The following SLC22A15 variants were observed in gnomAD, a reference collection of about 807,000 sequenced individuals.
The protein encoded by SLC22A15 is solute carrier family 22 member 15.
A neutral mutation model predicts 62.7 loss-of-function variants in SLC22A15; 45 were observed. That is an observed-to-expected ratio of 0.72 (90% CI 0.56 to 0.92). The LOEUF is 0.92. Among genes scored for constraint, SLC22A15 ranks in the 40% least tolerant of loss-of-function variants. The probability of loss-of-function intolerance (pLI) is 0.00; values close to 1 mark genes in which losing one functional copy is unlikely to be tolerated. For synonymous variants in SLC22A15, 264 were observed against 267.0 expected, an observed-to-expected ratio of 0.99 and a Z score of 0.11; for missense variants, 622 against 665.6, an observed-to-expected ratio of 0.93 and a Z score of 0.72.
intron 1 of SLC22A15, among the ~76,000 whole-genome samples, chr1:115,988,295 A>C (rs1775702): frequency 0.12 from 18,687 of 152,162 alleles, 1,900 homozygotes; most frequent in African/African-American, 0.27. Flanking sequence ...GAATGTGTGC[A>C]TGGTAGTTGT....
At chr1:116,054,793 C>T (rs1161135812) in intron 8 of SLC22A15, among the ~76,000 whole-genome samples, 1 of 152,136 alleles carries the variant, frequency 6.6e-6, no homozygotes, top group Non-Finnish European at 1.5e-5. Context: ...GCAACCTGCT[C>T]CCGAATGACT....
chr1:116,035,475 T>C, intron 7 of SLC22A15, 148 bp downstream of exon 7: 1 of 617,794 alleles, frequency 1.6e-6, no homozygotes, highest in Admixed American at 4.2e-5. Flanking sequence ...TCTTTCCATC[T>C]AAAAACAGTT....
intron 2 of SLC22A15, among the ~76,000 whole-genome samples, chr1:116,016,620 C>T (rs1040310161): frequency 6.6e-6 from 1 of 152,164 alleles, no homozygotes; most frequent in Non-Finnish European, 1.5e-5. Flanking sequence ...GTTTTATATG[C>T]GTGCTCTGTC....
At chr1:116,045,937 A>C (rs546337440) in intron 8 of SLC22A15, among the ~76,000 whole-genome samples, 1 of 152,104 alleles carries the variant, frequency 6.6e-6, no homozygotes, top group African/African-American at 2.4e-5. Flanking sequence ...CATAATATAC[A>C]TACAGAAAAA....
At chr1:115,988,549 C>CTT (rs1227238851) in intron 1 of SLC22A15, among the ~76,000 whole-genome samples, 1 of 151,862 alleles carries the variant, frequency 6.6e-6, no homozygotes, top group South Asian at 2.1e-4. Flanking sequence ...TGGGGGGGGA[C>CTT]TCTCTCTGTC....
chr1:116,025,030 C>A (rs2101370776), intron 4 of SLC22A15, among the ~76,000 whole-genome samples: 1 of 151,972 alleles, frequency 6.6e-6, no homozygotes, highest in African/African-American at 2.4e-5. Flanking sequence ...AATAGAAGGG[C>A]TAAATCCAGA....
At chr1:115,984,540 G>C (rs1311288093) in intron 1 of SLC22A15, among the ~76,000 whole-genome samples, 1 of 152,118 alleles carries the variant, frequency 6.6e-6, no homozygotes, top group South Asian at 2.1e-4. Context: ...GATCATAATG[G>C]AGCTGAAAAA....
chr1:116,006,825 T>G (rs781006091), intron 2 of SLC22A15, among the ~76,000 whole-genome samples: 19 of 152,074 alleles, frequency 1.2e-4, no homozygotes, highest in Non-Finnish European at 1.8e-4. Context: ...ATCCATTGCA[T>G]TCACTCTCTG....
intron 1 of SLC22A15, among the ~76,000 whole-genome samples, chr1:115,984,212 A>C (rs1459718421): frequency 6.6e-6 from 1 of 152,232 alleles, no homozygotes; most frequent in African/African-American, 2.4e-5. Flanking sequence ...CTTCCCAGTT[A>C]TGTAAAGATA....
At chr1:116,062,634 T>C (rs1051757483) in intron 8 of SLC22A15, 128 bp from the exon 9 acceptor site, 1 of 1,037,762 alleles carries the variant, frequency 9.6e-7, no homozygotes, top group East Asian at 2.5e-5. Context: ...GAATGTGTAT[T>C]TGGTTACACT....
At chr1:116,024,818 G>T (rs1186450581) in intron 4 of SLC22A15, among the ~76,000 whole-genome samples, 1 of 152,090 alleles carries the variant, frequency 6.6e-6, no homozygotes, top group African/African-American at 2.4e-5. Context: ...CCTCTGATCG[G>T]CTCAGCTGAT....
At position 116,026,888 on chromosome 1, in the gene SLC22A15, A is replaced by G. The variant is rs1413224200; in HGVS notation, c.599-5A>G. On this transcript the variant is annotated splice_polypyrimidine_tract_variant and splice_region_variant and intron_variant, in intron 4 of 11. Coordinates refer to ENST00000369503, the MANE Select transcript of SLC22A15 (RefSeq NM_018420.3). Reference sequence around the variant, plus strand: ...CCAGTGACAGTTCTCTTTTCCCTGAATTAGGATCGATTGGCGGCCTGTTCT... The same window carrying G: ...CCAGTGACAGTTCTCTTTTCCCTGAGTTAGGATCGATTGGCGGCCTGTTCT... 6.2e-7 allele frequency: 1 copy of G among 1,612,506 alleles called. No individual in the cohort carries two copies. Among genetic ancestry groups the G allele is most frequent in the South Asian group, 1.1e-5 (1 of 90,974 alleles).
At position 116,031,403 on chromosome 1, in the gene SLC22A15, G is replaced by A; in HGVS notation, c.766G>A (p.Gly256Ser). The change falls in exon 6 of 12, where the codon GGT (glycine) becomes AGT (serine). Residue 256 changes from glycine to serine, a missense_variant. Coordinates refer to ENST00000369503, the MANE Select transcript of SLC22A15 (RefSeq NM_018420.3). ...ATCACCTCGTTGGTTATACTCCCAG[G>A]GTCGACTGAGTGAGGCTGAAGAGGC... ...PESPRWLYSQGRLSEAEEALY... is the reference protein window; with the variant it reads ...PESPRWLYSQSRLSEAEEALY... The A allele has an allele frequency of 1.2e-6, 2 of 1,613,598 alleles. No homozygotes were observed. Among genetic ancestry groups the A allele is most frequent in the Non-Finnish European group, 1.7e-6 (2 of 1,179,844 alleles).
intron 6 of SLC22A15, chr1:116,032,309 T>G (rs1163954167): frequency 2.0e-6 from 2 of 985,240 alleles, no homozygotes; most frequent in Non-Finnish European, 2.4e-6. Flanking sequence ...GTGCATACAA[T>G]TTGTGGATTG....
chr1:116,031,582 G>T lies in SLC22A15; in HGVS notation c.944+1G>T, dbSNP rs1315574831. 1 of 1,613,446 alleles carries T rather than the reference G, an allele frequency of 6.2e-7. No homozygotes were observed. On this transcript the variant is annotated splice_donor_variant, in intron 6 of 11. Transcript: ENST00000369503. LOFTEE classifies it high-confidence loss of function. ...ACACTTTGATCCTGATGTTCATCTG[G>T]TAATTATACTAAGGCGTGTTCTGTT... is the stretch of plus-strand genomic sequence containing the variant.
chr1:115,995,453 G>C (rs549215785), intron 2 of SLC22A15, among the ~76,000 whole-genome samples: 35 of 152,280 alleles, frequency 2.3e-4, no homozygotes, highest in African/African-American at 7.7e-4. Context: ...GTTTCACCAT[G>C]TTGGCCAGGC....
chr1:116,020,212 GT>G (rs1199647185), intron 3 of SLC22A15, among the ~76,000 whole-genome samples: 73 of 149,776 alleles, frequency 4.9e-4, no homozygotes, highest in Non-Finnish European at 9.2e-4. Context: ...AAACCTTATG[GT>G]TTTTTAAAAA....
At chr1:115,990,117 A>C (rs1341008076) in intron 1 of SLC22A15, among the ~76,000 whole-genome samples, 1 of 152,230 alleles carries the variant, frequency 6.6e-6, no homozygotes, top group Admixed American at 6.5e-5. Context: ...GGACTTCTGG[A>C]GGGCTTGGAG....
intron 2 of SLC22A15, among the ~76,000 whole-genome samples, chr1:116,000,467 T>C (rs1475137750): frequency 6.6e-6 from 1 of 152,136 alleles, no homozygotes; most frequent in African/African-American, 2.4e-5. Flanking sequence ...TACAAAGTTG[T>C]TCTAATTATT....
Sources: gnomAD v4.1 joint callset for allele counts (sites outside exome capture counted in the v4.1 genomes callset) on GRCh38, gnomAD v4.1.1 for gene constraint, MANE v1.5 for transcripts, NCBI Gene and HGNC (gene_info 2026-07-23, HGNC 2026-07-21) for gene names.